Variants in ZFHX3 observed in about 807,000 individuals in gnomAD.
The protein encoded by ZFHX3 is zinc finger homeobox protein 3.
A neutral mutation model predicts 279.1 loss-of-function variants in ZFHX3; 42 were observed. The ratio of observed to expected loss-of-function variants is 0.15; its 90% CI spans 0.12 to 0.19. ZFHX3 has a LOEUF of 0.19. Ranked by LOEUF, ZFHX3 falls within the 10% of genes least tolerant of loss-of-function variation. The pLI is 1.00. For missense variants in ZFHX3, 4,981 were observed against 4,754.0 expected (o/e 1.05, Z -1.40); for synonymous variants, 2,293 against 1,957.8 (o/e 1.17, Z -4.52).
At chr16:73,382,803 A>AT (rs2016837961) in intron 3 of ZFHX3, among the ~76,000 whole-genome samples, 1 of 152,200 alleles carries the variant, frequency 6.6e-6, no homozygotes, top group African/African-American at 2.4e-5. Flanking sequence ...AACTTTCAAT[A>AT]GAAACAAATG....
At chr16:73,420,934 C>T (rs1272202623) in intron 3 of ZFHX3, 3 of 152,238 alleles carry the variant, frequency 2.0e-5, no homozygotes, top group Admixed American at 1.3e-4. Flanking sequence ...GCTAATCTGG[C>T]TCATTTCATT....
chr16:73,455,969 A>G (rs530937312), intron 3 of ZFHX3: 1 of 152,118 alleles, frequency 6.6e-6, no homozygotes, highest in South Asian at 2.1e-4. Flanking sequence ...TCTTCTTCAG[A>G]TTTCTTAGAA....
intron 1 of ZFHX3, among the ~76,000 whole-genome samples, chr16:73,000,627 C>G (rs548810674): frequency 1.3e-5 from 2 of 152,296 alleles, no homozygotes; most frequent in Admixed American, 1.3e-4. Context: ...GGGTGTTTCT[C>G]TGAATAGCTG....
At chr16:73,414,348 G>A (rs1377980281) in intron 3 of ZFHX3, among the ~76,000 whole-genome samples, 1 of 152,208 alleles carries the variant, frequency 6.6e-6, no homozygotes, top group African/African-American at 2.4e-5. Flanking sequence ...CACTATGTAT[G>A]GAATTCACAG....
intron 2 of ZFHX3, among the ~76,000 whole-genome samples, chr16:73,535,946 T>A (rs1220647172): frequency 1.3e-5 from 2 of 151,940 alleles, no homozygotes; most frequent in African/African-American, 2.4e-5. Context: ...ATGGTCTCTA[T>A]CTCCTGACCT....
chr16:73,159,432 A>G (rs538955933), intron 5 of ZFHX3, among the ~76,000 whole-genome samples: 34 of 152,146 alleles, frequency 2.2e-4, no homozygotes, highest in Non-Finnish European at 4.6e-4. Context: ...AAACTGGAAA[A>G]GTATGTGTGC....
At chr16:72,895,139 G>C (rs1597355324) in intron 3 of ZFHX3, among the ~76,000 whole-genome samples, 1 of 152,148 alleles carries the variant, frequency 6.6e-6, no homozygotes, top group South Asian at 2.1e-4. Flanking sequence ...ACACACATGT[G>C]AGCACACACA....
In ZFHX3 at chr16:73,328,602, C is replaced by T. The variant is rs375506879; in HGVS notation, c.-1290-10266G>A. 5.6e-4 allele frequency among the ~76,000 whole-genome samples: 85 copies of T among 152,308 alleles called. 1 individual carries two copies. In the South Asian group the frequency reaches 7.7e-3, roughly 14 times the overall value. Reference sequence around the variant, plus strand: ...GAAGTTAACGAAGCTGCAAGGAGAGCTCAGACTCACCTGTATCCAGAGTTC... The same window carrying T: ...GAAGTTAACGAAGCTGCAAGGAGAGTTCAGACTCACCTGTATCCAGAGTTC... On this transcript the variant is annotated intron_variant, in intron 3 of 17. Coordinates refer to the ZFHX3 transcript ENST00000641206.
chr16:73,196,581 GA>G lies in ZFHX3; in HGVS notation c.-1103-52751del, dbSNP rs34660692. 4.0e-3 allele frequency among the ~76,000 whole-genome samples: 557 copies of G among 140,700 alleles called. 4 individuals are homozygous for G. Among genetic ancestry groups the G allele is most frequent in the African/African-American group, 0.011 (418 of 38,372 alleles). 92.3% of individuals were successfully genotyped at this position (140,700 alleles called of 152,430 possible). A position where few individuals can be genotyped will look rare whatever the true frequency, so the allele number is the denominator to read the frequency against. ...TCAACAGTAGTGTCCATCCTGGCCAGAAAAAAAAAAAAAGTGTTCTCCTGGT... is the reference window on the plus strand; with the variant it reads ...TCAACAGTAGTGTCCATCCTGGCCAGAAAAAAAAAAAAGTGTTCTCCTGGT... On this transcript the variant is annotated intron_variant, in intron 5 of 17. Transcript: ENST00000641206.
chr16:73,847,605 G>C (rs527595742), intron 1 of ZFHX3, among the ~76,000 whole-genome samples: 1 of 152,194 alleles, frequency 6.6e-6, no homozygotes, highest in South Asian at 2.1e-4. Context: ...TTAGCCTCCT[G>C]GGTCTTCAGT....
At chr16:72,976,246 A>T (rs1193387347) in intron 1 of ZFHX3, among the ~76,000 whole-genome samples, 3 of 152,174 alleles carry the variant, frequency 2.0e-5, no homozygotes, top group Admixed American at 2.0e-4. Context: ...CTAATCTTGG[A>T]CAGCGCCAGA....
intron 3 of ZFHX3, among the ~76,000 whole-genome samples, chr16:73,345,759 G>A (rs1281739928): frequency 6.6e-6 from 1 of 152,128 alleles, no homozygotes; most frequent in Non-Finnish European, 1.5e-5. Context: ...TATACACCCA[G>A]TAATGGGATG....
chr16:73,038,336 C>T (rs571979150), intron 1 of ZFHX3, among the ~76,000 whole-genome samples: 305 of 152,308 alleles, frequency 2.0e-3, no homozygotes, highest in Admixed American at 7.3e-3. Context: ...CTTCAGAATC[C>T]GCTTCTCAGC....
intron 2 of ZFHX3, among the ~76,000 whole-genome samples, chr16:73,595,511 C>T (rs984852862): frequency 6.6e-6 from 1 of 152,126 alleles, no homozygotes; most frequent in African/African-American, 2.4e-5. Flanking sequence ...CTTCCCTTCA[C>T]GGGCTCATTC....
At chr16:73,337,177 T>C (rs544921481) in intron 3 of ZFHX3, among the ~76,000 whole-genome samples, 3 of 152,338 alleles carry the variant, frequency 2.0e-5, no homozygotes, top group Non-Finnish European at 2.9e-5. Flanking sequence ...CCCAGATGCT[T>C]ATCCTTCATG....
At chr16:72,853,759 G>A (rs2143850912) in intron 4 of ZFHX3, among the ~76,000 whole-genome samples, 1 of 152,196 alleles carries the variant, frequency 6.6e-6, no homozygotes, top group South Asian at 2.1e-4. Flanking sequence ...AGTTGGTTTG[G>A]TCACAGAATT....
At chr16:73,644,091 C>T in intron 2 of ZFHX3, among the ~76,000 whole-genome samples, 1 of 152,072 alleles carries the variant, frequency 6.6e-6, no homozygotes, top group Admixed American at 6.6e-5. Context: ...CCACAAACAA[C>T]ATGTCTATTT....
chr16:73,465,906 G>A (rs552358810), intron 2 of ZFHX3, among the ~76,000 whole-genome samples: 2 of 152,200 alleles, frequency 1.3e-5, no homozygotes, highest in Admixed American at 6.5e-5. Context: ...GTAAGGAGAT[G>A]ACAGGCTGCG....
chr16:73,494,055 C>T (rs1016313810), intron 2 of ZFHX3, among the ~76,000 whole-genome samples: 5 of 152,126 alleles, frequency 3.3e-5, no homozygotes, highest in East Asian at 1.9e-4. Context: ...CCTTCCTCCC[C>T]GGTCTCCCTC....
Sources: gnomAD v4.1 joint callset for allele counts (sites outside exome capture counted in the v4.1 genomes callset) on GRCh38, gnomAD v4.1.1 for gene constraint, MANE v1.5 for transcripts, NCBI Gene and HGNC (gene_info 2026-07-23, HGNC 2026-07-21) for gene names.